The following PGLYRP4 variants were observed in gnomAD, a reference collection of about 807,000 sequenced individuals.
The protein encoded by PGLYRP4 is peptidoglycan recognition protein 4.
A neutral mutation model predicts 41.2 loss-of-function variants in PGLYRP4; 39 were observed. The ratio of observed to expected loss-of-function variants is 0.95; its 90% CI spans 0.73 to 1.24. The LOEUF is 1.24. Ranked by LOEUF, PGLYRP4 falls within the 50% of genes most tolerant of loss-of-function variation. The pLI is 0.00. For synonymous variants in PGLYRP4, 202 were observed against 186.8 expected, an observed-to-expected ratio of 1.08 and a Z score of -0.66; for missense variants, 467 against 460.7, an observed-to-expected ratio of 1.01 and a Z score of -0.13.
At chr1:153,345,086 G>A in intron 4 of PGLYRP4, 83 bp downstream of exon 4, 1 of 1,038,332 alleles carries the variant, frequency 9.6e-7, no homozygotes, top group Non-Finnish European at 1.4e-6. Flanking sequence ...AGAAAATGAG[G>A]AAAAGGGATG....
chr1:153,336,338 C>T (rs549392700), intron 8 of PGLYRP4, among the ~76,000 whole-genome samples: 132 of 120,484 alleles, frequency 1.1e-3, no homozygotes, highest in Non-Finnish European at 1.9e-3. Flanking sequence ...ACATTGTGTT[C>T]CAGCCTGGGT....
At position 153,340,478 on chromosome 1, in the gene PGLYRP4, C is replaced by T. The variant is rs767046905; in HGVS notation, c.727G>A (p.Gly243Arg). ...TCATCAGAAATGTTGCAGGTCCTCC[C>T]GGCAGTGTGGATAATGATGCCATAC... The part of the protein sequence containing the change: ...AKYGIIIHTA[G>R]RTCNISDECR... Residue 243 changes from glycine to arginine, a missense_variant, in exon 7 of 9, where the codon GGG (glycine) becomes AGG (arginine). Physicochemically the swap from Gly to Arg is moderately radical, Grantham distance 125. Coordinates refer to ENST00000359650, the MANE Select transcript of PGLYRP4 (RefSeq NM_020393.4). 24 of 1,614,038 alleles carry T rather than the reference C, an allele frequency of 1.5e-5. No individual in the cohort carries two copies. Among genetic ancestry groups the T allele is most frequent in the East Asian group, 4.5e-5 (2 of 44,890 alleles).
Position 153,347,907 on chromosome 1 carries a change from G to C in PGLYRP4, c.26C>G (p.Ser9Cys), listed in dbSNP as rs759643352. Reference protein sequence around the residue: MLPWLLVFSALGIQAWGDS... With the variant: MLPWLLVFCALGIQAWGDS... ...ACCCCAGGCCTGGATACCCAGAGCA[G>C]AGAAGACAAGAAGCCACGGCAGCAT... The change falls in exon 2 of 9, where the codon TCT (serine) becomes TGT (cysteine). Residue 9 changes from serine (S) to cysteine (C), a missense_variant. By Grantham distance (112) the Ser-to-Cys change is moderately radical. Coordinates refer to ENST00000359650, the MANE Select transcript of PGLYRP4 (RefSeq NM_020393.4). The C allele has an allele frequency of 1.2e-6, 2 of 1,613,622 alleles. No individual in the cohort carries two copies. Among genetic ancestry groups the C allele is most frequent in the South Asian group, 2.2e-5 (2 of 91,034 alleles).
In PGLYRP4 at chr1:153,335,686, C is replaced by T. The variant is rs138200909; in HGVS notation, c.943+1495G>A. ...GTTGCAGTGAGCCGAGGTCACACCACTGCACTCCAGCCTGGCGACAGAGCA... is the reference window on the plus strand; with the variant it reads ...GTTGCAGTGAGCCGAGGTCACACCATTGCACTCCAGCCTGGCGACAGAGCA... On this transcript the variant is annotated intron_variant, in intron 8 of 8. Transcript: ENST00000359650. Among the ~76,000 whole-genome samples, 282 of 150,652 alleles carry T rather than the reference C, an allele frequency of 1.9e-3. 9 individuals carry two copies. In the East Asian group the frequency reaches 0.042, roughly 22 times the overall value.
In PGLYRP4 at chr1:153,330,638, C is replaced by G; in HGVS notation, c.*129G>C. 3 of 712,066 alleles carry G rather than the reference C, an allele frequency of 4.2e-6. No homozygotes were observed. Among genetic ancestry groups the G allele is most frequent in the Non-Finnish European group, 7.2e-6 (3 of 418,946 alleles). 44.1% of individuals were successfully genotyped at this position (712,066 alleles called of 1,614,324 possible). On this transcript the variant is annotated 3_prime_UTR_variant, in exon 9 of 9. Coordinates refer to ENST00000359650, the MANE Select transcript of PGLYRP4 (RefSeq NM_020393.4). ...CAGGAGAGGGCATGATCATCCCAAC[C>G]TGAAAAAGGAGGCACAGGACTGTGT...
intron 8 of PGLYRP4, among the ~76,000 whole-genome samples, chr1:153,334,468 T>TATATATATATATTTATATATA (rs1275488427): frequency 5.6e-5 from 8 of 142,530 alleles, no homozygotes; most frequent in South Asian, 2.1e-4. Flanking sequence ...ATATATTTAT[T>TATATATATATATTTATATATA]TATATATATT....
At chr1:153,340,681 A>T (rs1660762557) in intron 6 of PGLYRP4, 102 bp from the exon 7 acceptor site, 1 of 1,200,582 alleles carries the variant, frequency 8.3e-7, no homozygotes, top group Non-Finnish European at 1.2e-6. Flanking sequence ...CAACTTCCCA[A>T]ACCCCTCTGG....
rs1389133602 is a variant in PGLYRP4, at chr1:153,345,303, G to T, written c.219C>A (p.Thr73=). 3.1e-6 allele frequency: 5 copies of T among 1,614,040 alleles called. No homozygotes were observed. The highest frequency in any genetic ancestry group is 3.4e-6 in the Non-Finnish European group (4 of 1,180,016). ...GTATAACAAGGACATTCACTGGCGTGGTCAGCTGAATACTGCAGCCAACAG... is the reference window on the plus strand; with the variant it reads ...GTATAACAAGGACATTCACTGGCGTTGTCAGCTGAATACTGCAGCCAACAG... The part of the protein sequence containing the change: ...AEAVGCSIQL[T]TPVNVLVIHH... The change falls in exon 4 of 9, where the codon ACC becomes ACA. Residue 73 remains threonine (T), a synonymous_variant. Coordinates refer to ENST00000359650, the MANE Select transcript of PGLYRP4 (RefSeq NM_020393.4).
chr1:153,330,849 C>G lies in PGLYRP4; in HGVS notation c.1040G>C (p.Gly347Ala), dbSNP rs901591646. ...CAAGGTTCGGGCCACATCACTGTGG[C>G]CCACCAGCAGGTAGTTGGGAGTCAG... Reference protein sequence around the residue: ...GYLTPNYLLVGHSDVARTLSP... With the variant: ...GYLTPNYLLVAHSDVARTLSP... Residue 347 changes from glycine (G) to alanine (A), a missense_variant, in exon 9 of 9, where the codon GGC becomes GCC. Coordinates refer to ENST00000359650, the MANE Select transcript of PGLYRP4 (RefSeq NM_020393.4). The G allele has an allele frequency of 1.4e-5, 22 of 1,613,784 alleles. No homozygotes were observed. Among genetic ancestry groups the G allele is most frequent in the Non-Finnish European group, 1.6e-5 (19 of 1,179,910 alleles).
chr1:153,342,442 A>C (rs1250757274), intron 5 of PGLYRP4, among the ~76,000 whole-genome samples: 1 of 152,206 alleles, frequency 6.6e-6, no homozygotes, highest in Non-Finnish European at 1.5e-5. Flanking sequence ...GGGGTCATGA[A>C]ATCTACCTGG....
chr1:153,336,969 TG>T, intron 8 of PGLYRP4, among the ~76,000 whole-genome samples: 1 of 152,276 alleles, frequency 6.6e-6, no homozygotes, highest in Non-Finnish European at 1.5e-5. Context: ...GACATTTGGC[TG>T]GGTGTAAAGG....
At chr1:153,346,456 A>C (rs1430464291) in intron 2 of PGLYRP4, among the ~76,000 whole-genome samples, 1 of 147,718 alleles carries the variant, frequency 6.8e-6, no homozygotes, top group South Asian at 2.2e-4. Flanking sequence ...CATGAGCTGT[A>C]TCTACACACA....
At chr1:153,332,681 CTTG>C (rs1374251742) in intron 8 of PGLYRP4, among the ~76,000 whole-genome samples, 1 of 152,114 alleles carries the variant, frequency 6.6e-6, no homozygotes, top group Non-Finnish European at 1.5e-5. Context: ...TATCAAGTAT[CTTG>C]TTGGACCACA....
At chr1:153,341,833 C>A in intron 5 of PGLYRP4, 54 bp from the exon 6 acceptor site, 2 of 1,561,112 alleles carry the variant, frequency 1.3e-6, no homozygotes, top group Non-Finnish European at 1.7e-6. Flanking sequence ...TTCAGGGGAT[C>A]TTTTGGGGAA....
intron 2 of PGLYRP4, 144 bp downstream of exon 2, chr1:153,347,740 C>T: frequency 3.0e-6 from 2 of 669,636 alleles, no homozygotes; most frequent in Non-Finnish European, 5.4e-6. Flanking sequence ...GTCACTCAGG[C>T]TGGAGTGCAG....
At chr1:153,332,001 T>C (rs746005749) in intron 8 of PGLYRP4, among the ~76,000 whole-genome samples, 4 of 152,088 alleles carry the variant, frequency 2.6e-5, no homozygotes, top group Non-Finnish European at 5.9e-5. Context: ...AACTAAAGGC[T>C]TCACTTAAAA....
In PGLYRP4 at chr1:153,347,763, G is replaced by A. The variant is rs577029757; in HGVS notation, c.49+121C>T. 4.8e-4 allele frequency: 347 copies of A among 726,764 alleles called. 6 individuals are homozygous for A. Among genetic ancestry groups the A allele is most frequent in the South Asian group, 4.0e-3 (257 of 64,762 alleles). 45.0% of individuals were successfully genotyped at this position (726,764 alleles called of 1,614,324 possible). On this transcript the variant is annotated intron_variant, in intron 2 of 8. Transcript: ENST00000359650. ...GGCTGGAGTGCAGTGGTGGGATCTC[G>A]GCTCACTGCAGCCTTGAACTCCTCA...
At chr1:153,334,806 C>T (rs1660482652) in intron 8 of PGLYRP4, among the ~76,000 whole-genome samples, 2 of 152,088 alleles carry the variant, frequency 1.3e-5, no homozygotes, top group South Asian at 4.1e-4. Flanking sequence ...TCAAATTATA[C>T]TACAAGACTA....
rs1660818603 is a variant in PGLYRP4 at position 153,341,873 on chromosome 1, G to A, written c.473-94C>T. ...AAGATGCTCTGCCAGCCCCTGCACA[G>A]CTGATGGAGAGGAAGAAAAGGGAAC... On this transcript the variant is annotated intron_variant, in intron 5 of 8. Coordinates refer to ENST00000359650, the MANE Select transcript of PGLYRP4 (RefSeq NM_020393.4). 2.6e-6 allele frequency: 3 copies of A among 1,144,954 alleles called. No individual in the cohort carries two copies. In the East Asian group the frequency reaches 7.2e-5, roughly 28 times the overall value. The allele number at this position is 1,144,954 out of a possible 1,614,324, so 70.9% of individuals were successfully genotyped here.
Sources: gnomAD v4.1 joint callset for allele counts (sites outside exome capture counted in the v4.1 genomes callset) on GRCh38, gnomAD v4.1.1 for gene constraint, MANE v1.5 for transcripts, NCBI Gene and HGNC (gene_info 2026-07-23, HGNC 2026-07-21) for gene names.